Variants in KLHDC1 observed in about 807,000 individuals in gnomAD.
KLHDC1 encodes the protein kelch domain containing 1.
In KLHDC1, 53 loss-of-function variants were observed where a neutral mutation model predicts 68.3. That is an observed-to-expected ratio of 0.78 (90% CI 0.62 to 0.98). The LOEUF is 0.98. Among genes scored for constraint, KLHDC1 ranks in the 50% least tolerant of loss-of-function variants. The pLI is 0.00. For missense variants in KLHDC1, 470 were observed against 492.3 expected (o/e 0.95, Z 0.43); for synonymous variants, 148 against 159.0 (o/e 0.93, Z 0.52).
intron 2 of KLHDC1, 76 bp from the exon 3 acceptor site, chr14:49,709,633 G>A (rs1888146488): frequency 4.3e-6 from 3 of 703,290 alleles, no homozygotes; most frequent in Non-Finnish European, 7.1e-6. Flanking sequence ...ACTGACAAAA[G>A]TACTCATGGA....
chr14:49,749,192 C>T, intron 12 of KLHDC1, among the ~76,000 whole-genome samples: 1 of 152,072 alleles, frequency 6.6e-6, no homozygotes, highest in Middle Eastern at 3.4e-3. Context: ...TTAGAGTGAA[C>T]TTAATCATGC....
At chr14:49,722,093 T>G (rs1430566724) in intron 4 of KLHDC1, among the ~76,000 whole-genome samples, 1 of 152,086 alleles carries the variant, frequency 6.6e-6, no homozygotes, top group Non-Finnish European at 1.5e-5. Flanking sequence ...AGTTAAGGAG[T>G]AGGTTAAATT....
chr14:49,704,387 GTTTTTT>G (rs35067251), intron 1 of KLHDC1, among the ~76,000 whole-genome samples: 2 of 68,690 alleles, frequency 2.9e-5, no homozygotes, highest in African/African-American at 1.3e-4. Context: ...TTCCTTTTCT[GTTTTTT>G]TTTTTTTTTT....
At chr14:49,724,007 C>A in intron 5 of KLHDC1, 55 bp downstream of exon 5, 1 of 971,830 alleles carries the variant, frequency 1.0e-6, no homozygotes, top group South Asian at 1.5e-5. Context: ...GCCTTAACAT[C>A]TTAGAAATAA....
intron 1 of KLHDC1, among the ~76,000 whole-genome samples, chr14:49,700,600 T>C (rs1457045568): frequency 1.3e-5 from 2 of 152,170 alleles, no homozygotes; most frequent in South Asian, 2.1e-4. Context: ...CAAATATCTG[T>C]ATACATATGC....
rs545791843 is a variant in KLHDC1, at chr14:49,748,887, G to A, written c.1035-2699G>A. On this transcript the variant is annotated intron_variant, in intron 12 of 12. Coordinates refer to ENST00000359332, the MANE Select transcript of KLHDC1 (RefSeq NM_172193.3). The stretch of plus-strand genomic sequence containing the variant: ...GCAATCTTGGCTCACTGCAACCTCC[G>A]CCTCCTGGGTTCAAGCAATTCTTCT... Among the ~76,000 whole-genome samples, 30 of 151,256 alleles carry A rather than the reference G, an allele frequency of 2.0e-4. No homozygotes were observed. In the South Asian group the frequency reaches 5.4e-3, roughly 27 times the overall value.
At chr14:49,715,047 ATATATAT>A (rs1387931113) in intron 4 of KLHDC1, among the ~76,000 whole-genome samples, 1 of 147,210 alleles carries the variant, frequency 6.8e-6, no homozygotes, top group African/African-American at 2.5e-5. Context: ...TATATACTTA[ATATATAT>A]TATATATGTT....
intron 1 of KLHDC1, chr14:49,708,472 T>C (rs1308998940): frequency 6.6e-6 from 1 of 152,224 alleles, no homozygotes. Flanking sequence ...CTCCTAAGCT[T>C]GTTTAAGCTC....
chr14:49,743,912 T>A, intron 12 of KLHDC1, 107 bp downstream of exon 12: 1 of 642,776 alleles, frequency 1.6e-6, no homozygotes, highest in East Asian at 2.9e-5. Flanking sequence ...TGACATGAAT[T>A]CAAGAATATG....
intron 1 of KLHDC1, among the ~76,000 whole-genome samples, chr14:49,705,601 C>A (rs533659386): frequency 8.6e-5 from 13 of 151,914 alleles, no homozygotes; most frequent in African/African-American, 3.1e-4. Flanking sequence ...GAACTCCTGA[C>A]CTTGTGATCT....
At chr14:49,699,872 G>A (rs1172234934) in intron 1 of KLHDC1, among the ~76,000 whole-genome samples, 1 of 152,112 alleles carries the variant, frequency 6.6e-6, no homozygotes, top group African/African-American at 2.4e-5. Context: ...TGGTGCTACT[G>A]CAAGGAACAT....
intron 4 of KLHDC1, among the ~76,000 whole-genome samples, chr14:49,711,747 T>G (rs1308604526): frequency 6.6e-6 from 1 of 152,102 alleles, no homozygotes; most frequent in Admixed American, 6.6e-5. Context: ...TCATTGCTAA[T>G]TATTAAATTT....
At chr14:49,745,668 C>T (rs1889182903) in intron 12 of KLHDC1, among the ~76,000 whole-genome samples, 1 of 152,120 alleles carries the variant, frequency 6.6e-6, no homozygotes, top group Non-Finnish European at 1.5e-5. Context: ...AAGAATTTGC[C>T]ATGAACAAAC....
intron 1 of KLHDC1, among the ~76,000 whole-genome samples, chr14:49,695,116 A>ATGTGGGTG: frequency 7.0e-6 from 1 of 142,094 alleles, no homozygotes; most frequent in Admixed American, 7.1e-5. Context: ...TGCAGTTTTG[A>ATGTGGGTG]TGTGTGTGTG....
chr14:49,702,587 T>A (rs1469647749), intron 1 of KLHDC1, among the ~76,000 whole-genome samples: 1 of 152,228 alleles, frequency 6.6e-6, no homozygotes, highest in Middle Eastern at 3.2e-3. Context: ...TGAGTGAATA[T>A]TGTCAGGGTA....
chr14:49,696,047 C>T (rs1026946275), intron 1 of KLHDC1, among the ~76,000 whole-genome samples: 1 of 146,402 alleles, frequency 6.8e-6, no homozygotes, highest in African/African-American at 2.5e-5. Context: ...GCCTGGGCGA[C>T]AGAGTGAGAC....
intron 1 of KLHDC1, among the ~76,000 whole-genome samples, chr14:49,694,345 C>T (rs996737614): frequency 6.6e-6 from 1 of 152,072 alleles, no homozygotes; most frequent in African/African-American, 2.4e-5. Context: ...GAACCTACAT[C>T]TTCTGTCTCC....
intron 4 of KLHDC1, among the ~76,000 whole-genome samples, chr14:49,722,201 A>G (rs1594666999): frequency 6.6e-6 from 1 of 152,202 alleles, no homozygotes; most frequent in African/African-American, 2.4e-5. Context: ...ATATGTATAC[A>G]TGTGCCATGT....
chr14:49,706,881 T>G (rs547592666), intron 1 of KLHDC1, among the ~76,000 whole-genome samples: 1 of 152,340 alleles, frequency 6.6e-6, no homozygotes, highest in East Asian at 1.9e-4. Context: ...TTCTGGTTAT[T>G]AATCCCTTGT....
Sources: gnomAD v4.1 joint callset for allele counts (sites outside exome capture counted in the v4.1 genomes callset) on GRCh38, gnomAD v4.1.1 for gene constraint, MANE v1.5 for transcripts, NCBI Gene and HGNC (gene_info 2026-07-23, HGNC 2026-07-21) for gene names.